The following AGBL4 variants were observed in gnomAD, a reference collection of about 807,000 sequenced individuals.
AGBL4 encodes the protein cytosolic carboxypeptidase 6.
AGBL4 carries 58 observed loss-of-function variants against 66.4 expected under a neutral mutation model. The ratio of observed to expected loss-of-function variants is 0.87; its 90% CI spans 0.71 to 1.09. The LOEUF (loss-of-function observed/expected upper bound fraction) is 1.09, where lower values mean the gene tolerates loss of function less well. AGBL4 is among the 50% of genes least tolerant of loss of function. The probability of loss-of-function intolerance (pLI) is 0.00; values close to 1 mark genes in which losing one functional copy is unlikely to be tolerated. For synonymous variants in AGBL4, 234 were observed against 222.9 expected (o/e 1.05, Z -0.44); for missense variants, 579 against 631.0 (o/e 0.92, Z 0.88).
At chr1:49,183,646 G>A (rs1569974391) in intron 4 of AGBL4, among the ~76,000 whole-genome samples, 1 of 152,046 alleles carries the variant, frequency 6.6e-6, no homozygotes, top group East Asian at 1.9e-4. Flanking sequence ...CCACACAATA[G>A]ATGCATACAT....
At chr1:48,933,772 C>T (rs1322389245) in intron 5 of AGBL4, among the ~76,000 whole-genome samples, 2 of 152,206 alleles carry the variant, frequency 1.3e-5, no homozygotes, top group Non-Finnish European at 2.9e-5. Context: ...ATACCACACA[C>T]ATTAACTAGT....
chr1:49,857,923 G>C (rs368771081), intron 1 of AGBL4, among the ~76,000 whole-genome samples: 3 of 152,036 alleles, frequency 2.0e-5, no homozygotes, highest in African/African-American at 2.4e-5. Flanking sequence ...AAAATGATTA[G>C]ACAATCTTTA....
At chr1:49,463,141 T>C (rs1413435082) in intron 3 of AGBL4, among the ~76,000 whole-genome samples, 2 of 151,686 alleles carry the variant, frequency 1.3e-5, no homozygotes, top group Non-Finnish European at 2.9e-5. Context: ...ATAGGTGTAA[T>C]AGCTTCATTT....
At chr1:49,547,598 T>C (rs1475865123) in intron 3 of AGBL4, among the ~76,000 whole-genome samples, 3 of 152,182 alleles carry the variant, frequency 2.0e-5, no homozygotes, top group Admixed American at 1.3e-4. Context: ...TTTGGCAGTA[T>C]GGTCATTTTC....
At chr1:49,162,246 T>C (rs1001317806) in intron 4 of AGBL4, among the ~76,000 whole-genome samples, 1 of 152,184 alleles carries the variant, frequency 6.6e-6, no homozygotes, top group Non-Finnish European at 1.5e-5. Context: ...ATGATGATGA[T>C]GTTCTGTCTT....
At chr1:49,357,258 T>C (rs193169841) in intron 3 of AGBL4, among the ~76,000 whole-genome samples, 125 of 152,354 alleles carry the variant, frequency 8.2e-4, no homozygotes, top group African/African-American at 2.9e-3. Context: ...TATTAGTTGA[T>C]AGCCAACATC....
At chr1:48,817,690 C>T (rs957705422) in intron 6 of AGBL4, 13 of 241,278 alleles carry the variant, frequency 5.4e-5, no homozygotes, top group African/African-American at 2.9e-4. Flanking sequence ...ACCATACAGG[C>T]TGGCTCTTTG....
At chr1:49,770,144 G>T (rs1356261780) in intron 2 of AGBL4, among the ~76,000 whole-genome samples, 1 of 152,122 alleles carries the variant, frequency 6.6e-6, no homozygotes, top group Non-Finnish European at 1.5e-5. Flanking sequence ...GACCATCCTG[G>T]CTAACATGGT....
chr1:49,194,968 C>T (rs780169765), intron 4 of AGBL4, among the ~76,000 whole-genome samples: 3 of 151,908 alleles, frequency 2.0e-5, no homozygotes, highest in Non-Finnish European at 2.9e-5. Context: ...AATGGAGTAG[C>T]TGGTACTACA....
At chr1:49,034,060 T>C (rs1160429087) in intron 5 of AGBL4, among the ~76,000 whole-genome samples, 3 of 152,004 alleles carry the variant, frequency 2.0e-5, no homozygotes, top group Non-Finnish European at 2.9e-5. Context: ...AGGGGCCTTA[T>C]TGTAGAGTCC....
At chr1:48,893,607 C>T (rs1457400184) in intron 5 of AGBL4, among the ~76,000 whole-genome samples, 1 of 151,972 alleles carries the variant, frequency 6.6e-6, no homozygotes, top group African/African-American at 2.4e-5. Context: ...ATGGTGTGGA[C>T]CTGAGAGGCG....
chr1:49,867,322 T>C (rs936830376), intron 1 of AGBL4, among the ~76,000 whole-genome samples: 5 of 148,700 alleles, frequency 3.4e-5, no homozygotes, highest in Non-Finnish European at 4.5e-5. Flanking sequence ...GCTTCTTTTA[T>C]ATATATATTT....
At position 48,546,864 on chromosome 1, in the gene AGBL4, A is replaced by AACACACACACACACACAC. The variant is rs58136623; in HGVS notation, c.1268-7144_1268-7127dup. 4.6e-3 allele frequency among the ~76,000 whole-genome samples: 595 copies of AACACACACACACACACAC among 128,348 alleles called. 7 individuals carry two copies. Among genetic ancestry groups the AACACACACACACACACAC allele is most frequent in the African/African-American group, 0.016 (539 of 34,556 alleles). The allele number at this position is 128,348 out of a possible 152,430, so 84.2% of individuals were successfully genotyped here. ...AAATAGCGAGGTAGTAAAACAAACA[A>AACACACACACACACACAC]ACACACACACACACACACACACACA... On this transcript the variant is annotated intron_variant, in intron 11 of 13. Transcript: ENST00000371839.
intron 1 of AGBL4, among the ~76,000 whole-genome samples, chr1:49,919,930 T>C (rs1652023103): frequency 6.6e-6 from 1 of 151,904 alleles, no homozygotes; most frequent in Non-Finnish European, 1.5e-5. Context: ...TCAGAAATAA[T>C]ACCACACATC....
chr1:49,190,957 A>G (rs894045166), intron 4 of AGBL4, among the ~76,000 whole-genome samples: 1 of 152,222 alleles, frequency 6.6e-6, no homozygotes, highest in African/African-American at 2.4e-5. Flanking sequence ...TTTGTTCTCA[A>G]TTGGACTGGA....
intron 3 of AGBL4, among the ~76,000 whole-genome samples, chr1:49,257,791 G>T (rs1377857580): frequency 1.3e-5 from 2 of 152,206 alleles, no homozygotes; most frequent in African/African-American, 4.8e-5. Context: ...GACCAGAGCT[G>T]TTCCTATTCG....
At chr1:49,372,651 CTTTCTTTCTTT>C (rs1644383036) in intron 3 of AGBL4, among the ~76,000 whole-genome samples, 2 of 127,294 alleles carry the variant, frequency 1.6e-5, no homozygotes, top group Non-Finnish European at 3.2e-5. Context: ...TTCTTTCTTT[CTTTCTTTCTTT>C]CTTTCTTTCT....
At chr1:48,708,203 C>A (rs1160335286) in intron 6 of AGBL4, among the ~76,000 whole-genome samples, 1 of 152,160 alleles carries the variant, frequency 6.6e-6, no homozygotes, top group Non-Finnish European at 1.5e-5. Flanking sequence ...TCTTCCAGCC[C>A]ACACCCAGGC....
rs192657124 is a variant in AGBL4, at chr1:49,252,045, A to C, written c.283-6181T>G. Among the ~76,000 whole-genome samples, 255 of 152,304 alleles carry C rather than the reference A, an allele frequency of 1.7e-3. 1 individual carries two copies. Among genetic ancestry groups the C allele is most frequent in the African/African-American group, 6.0e-3 (249 of 41,576 alleles). On this transcript the variant is annotated intron_variant, in intron 3 of 13. Coordinates refer to ENST00000371839, the MANE Select transcript of AGBL4 (RefSeq NM_032785.4). ...ACATCACCTTTCCAGCAAGCATTCAAAACTGGACTGAGATGGCTGAAATGA... is the reference window on the plus strand; with the variant it reads ...ACATCACCTTTCCAGCAAGCATTCACAACTGGACTGAGATGGCTGAAATGA...
Sources: allele counts gnomAD v4.1 joint callset (sites outside exome capture counted in the v4.1 genomes callset), GRCh38; gene constraint gnomAD v4.1.1; transcripts MANE v1.5; gene names NCBI Gene and HGNC (gene_info 2026-07-23, HGNC 2026-07-21).